CLEC16A: variants seen among roughly 807,000 people sequenced by gnomAD.
CLEC16A encodes the protein protein CLEC16A.
In CLEC16A, 51 loss-of-function variants were observed where a neutral mutation model predicts 109.5. The ratio of observed to expected loss-of-function variants is 0.47; its 90% CI spans 0.37 to 0.59. CLEC16A has a LOEUF of 0.59. CLEC16A is among the 20% of genes least tolerant of loss of function. The probability of loss-of-function intolerance (pLI) is 0.00; values close to 1 mark genes in which losing one functional copy is unlikely to be tolerated. For synonymous variants in CLEC16A, 673 were observed against 564.2 expected, an observed-to-expected ratio of 1.19 and a Z score of -2.73; for missense variants, 1,339 against 1,394.0, an observed-to-expected ratio of 0.96 and a Z score of 0.63.
intron 19 of CLEC16A, among the ~76,000 whole-genome samples, chr16:11,097,641 A>G (rs1361093165): frequency 6.6e-6 from 1 of 152,076 alleles, no homozygotes; most frequent in Non-Finnish European, 1.5e-5. Context: ...CAGCCTCCGT[A>G]TTTACTGGTG....
chr16:11,017,859 C>G (rs2045851794), intron 11 of CLEC16A, among the ~76,000 whole-genome samples: 1 of 151,874 alleles, frequency 6.6e-6, no homozygotes, highest in Non-Finnish European at 1.5e-5. Flanking sequence ...GTCTGAGAAA[C>G]GTCACATCCA....
chr16:11,091,593 C>A (rs2050307932), intron 19 of CLEC16A, among the ~76,000 whole-genome samples: 1 of 152,204 alleles, frequency 6.6e-6, no homozygotes. Context: ...AATGGGTACT[C>A]CGCAGAGTCT....
intron 3 of CLEC16A, among the ~76,000 whole-genome samples, chr16:10,965,338 T>C (rs3871207): frequency 0.075 from 11,381 of 152,212 alleles, 1,438 homozygotes; most frequent in African/African-American, 0.25. Context: ...TGTTTTCTAA[T>C]CACAGAAGAA....
At chr16:11,022,623 G>C (rs2152807158) in intron 12 of CLEC16A, among the ~76,000 whole-genome samples, 1 of 152,188 alleles carries the variant, frequency 6.6e-6, no homozygotes, top group African/African-American at 2.4e-5. Context: ...TAAGAGGCCG[G>C]GTGCAGTGGC....
chr16:11,066,954 C>G (rs1028195514), intron 19 of CLEC16A, among the ~76,000 whole-genome samples: 2 of 152,014 alleles, frequency 1.3e-5, no homozygotes, highest in African/African-American at 4.8e-5. Context: ...GGACGGATCG[C>G]CAACTTTTGT....
In CLEC16A at chr16:11,178,519, C is replaced by T. The variant is rs770771835; in HGVS notation, c.2991C>T (p.Asp997=). 3 of 1,613,428 alleles carry T rather than the reference C, an allele frequency of 1.9e-6. No individual in the cohort carries two copies. The highest frequency in any genetic ancestry group is 1.7e-5 in the Admixed American group (1 of 60,032). The part of the protein sequence containing the change: ...RQPTISLLCE[D]TADTLSVESL... ...CCACCATTTCCCTGCTCTGCGAGGA[C>T]ACGGCTGACACGCTGAGCGTCGAAT... Residue 997 remains aspartate, a synonymous_variant, in exon 24 of 24, where the codon GAC becomes GAT. Transcript: ENST00000409790. This position sits in a 1 kb window ranked among gnomAD's most constrained non-coding sequence, Gnocchi z 6.5.
intron 22 of CLEC16A, 55 bp from the exon 23 acceptor site, chr16:11,166,332 AG>A: frequency 6.6e-7 from 1 of 1,517,176 alleles, no homozygotes; most frequent in Non-Finnish European, 8.8e-7. Context: ...CATGACATTG[AG>A]GCCCTCAGGC....
At chr16:11,120,261 GCA>G (rs981431175) in intron 19 of CLEC16A, among the ~76,000 whole-genome samples, 1 of 152,358 alleles carries the variant, frequency 6.6e-6, no homozygotes, top group East Asian at 1.9e-4. Context: ...GTGAGCCACG[GCA>G]CCCAGCCATG....
In CLEC16A at chr16:11,181,088, A is replaced by G. The variant is rs1340730722; in HGVS notation, c.*2398A>G. On this transcript the variant is annotated 3_prime_UTR_variant, in exon 24 of 24. Transcript: ENST00000409790. ...TGTGGGGTGAGGATTTCCTATAACC[A>G]GGGCTCCCAGAAGCTTTGCTTATGT... 6.6e-6 allele frequency: 1 copy of G among 152,162 alleles called. No individual in the cohort carries two copies. The highest frequency in any genetic ancestry group is 1.5e-5 in the Non-Finnish European group (1 of 68,038). 9.4% of individuals were successfully genotyped at this position (152,162 alleles called of 1,614,324 possible). A position where few individuals can be genotyped will look rare whatever the true frequency, so the allele number is the denominator to read the frequency against.
intron 19 of CLEC16A, among the ~76,000 whole-genome samples, chr16:11,084,770 C>T (rs1390203562): frequency 6.6e-6 from 1 of 152,220 alleles, no homozygotes; most frequent in African/African-American, 2.4e-5. Context: ...CGCGTTCCAC[C>T]TGGTGCCCCT....
At chr16:10,965,507 C>A (rs1382247255) in intron 3 of CLEC16A, among the ~76,000 whole-genome samples, 5 of 152,116 alleles carry the variant, frequency 3.3e-5, no homozygotes, top group Non-Finnish European at 7.4e-5. Context: ...TCTCATTGTC[C>A]CGTTCTGTAA....
intron 1 of CLEC16A, among the ~76,000 whole-genome samples, chr16:10,948,629 G>T (rs1008640903): frequency 6.6e-6 from 1 of 152,182 alleles, no homozygotes; most frequent in African/African-American, 2.4e-5. Context: ...CTTCATTCTG[G>T]TCCACTTTGT....
intron 18 of CLEC16A, among the ~76,000 whole-genome samples, chr16:11,052,927 G>A (rs146948163): frequency 6.6e-6 from 1 of 152,142 alleles, no homozygotes; most frequent in East Asian, 1.9e-4. Flanking sequence ...GCTGCAGTGA[G>A]CTGTGATCCA....
intron 19 of CLEC16A, among the ~76,000 whole-genome samples, chr16:11,065,758 A>G (rs1230314076): frequency 6.6e-6 from 1 of 152,224 alleles, no homozygotes; most frequent in Non-Finnish European, 1.5e-5. Context: ...TCTACGAGAA[A>G]GCACAGAAAT....
rs369043240 is a variant in CLEC16A, at chr16:11,072,478, C to T, written c.2116+11456C>T. 1.4e-4 allele frequency among the ~76,000 whole-genome samples: 21 copies of T among 151,584 alleles called. No individual in the cohort carries two copies. In the East Asian group the frequency reaches 1.7e-3, roughly 13 times the overall value. On this transcript the variant is annotated intron_variant, in intron 19 of 23. Coordinates refer to ENST00000409790, the MANE Select transcript of CLEC16A (RefSeq NM_015226.3). ...AATCTTCAAAATAAAAAGGAAGGGACGAGAGAGAGAGAGATAATCCAGTCC... is the reference window on the plus strand; with the variant it reads ...AATCTTCAAAATAAAAAGGAAGGGATGAGAGAGAGAGAGATAATCCAGTCC...
At chr16:11,033,618 A>T (rs1171089123) in intron 13 of CLEC16A, among the ~76,000 whole-genome samples, 8 of 152,092 alleles carry the variant, frequency 5.3e-5, no homozygotes, top group Non-Finnish European at 1.2e-4. Context: ...CTTCAGCCTC[A>T]CTTTTCCAGA....
chr16:11,130,359 A>T (rs1251006004), intron 22 of CLEC16A, among the ~76,000 whole-genome samples: 1 of 152,234 alleles, frequency 6.6e-6, no homozygotes, highest in African/African-American at 2.4e-5. Context: ...TTGGTGGTTT[A>T]GTCCATGGAA....
intron 23 of CLEC16A, among the ~76,000 whole-genome samples, chr16:11,172,116 T>TCACACA (rs531581073): frequency 1.7e-4 from 25 of 151,176 alleles, no homozygotes; most frequent in African/African-American, 5.8e-4. Flanking sequence ...GCATGCATAG[T>TCACACA]CACACACACA....
At chr16:11,029,602 T>C (rs2046622412) in intron 13 of CLEC16A, among the ~76,000 whole-genome samples, 1 of 152,098 alleles carries the variant, frequency 6.6e-6, no homozygotes, top group Non-Finnish European at 1.5e-5. Context: ...ATCTCTCTCT[T>C]ATGCTGCCTG....
Sources: gnomAD v4.1 joint callset for allele counts (sites outside exome capture counted in the v4.1 genomes callset) on GRCh38, gnomAD v4.1.1 for gene constraint, Gnocchi (gnomAD v3.1) non-coding constraint, MANE v1.5 for transcripts, NCBI Gene and HGNC (gene_info 2026-07-23, HGNC 2026-07-21) for gene names.